CYB5RL: variants seen among roughly 807,000 people sequenced by gnomAD.
CYB5RL encodes NADH-cytochrome b5 reductase-like.
A neutral mutation model predicts 37.5 loss-of-function variants in CYB5RL; 38 were observed. The ratio of observed to expected loss-of-function variants is 1.01; its 90% CI spans 0.78 to 1.33. The LOEUF (loss-of-function observed/expected upper bound fraction) is 1.33, where lower values mean the gene tolerates loss of function less well. Ranked by LOEUF, CYB5RL falls within the 40% of genes most tolerant of loss-of-function variation. The probability of loss-of-function intolerance (pLI) is 0.00; values close to 1 mark genes in which losing one functional copy is unlikely to be tolerated. For synonymous variants in CYB5RL, 141 were observed against 151.9 expected (o/e 0.93, Z 0.53); for missense variants, 388 against 394.4 (o/e 0.98, Z 0.14).
intron 7 of CYB5RL, among the ~76,000 whole-genome samples, chr1:54,176,604 T>A (rs936955041): frequency 2.0e-5 from 3 of 152,332 alleles, no homozygotes; most frequent in Non-Finnish European, 2.9e-5. Flanking sequence ...TCCTCTCTGA[T>A]GATCTGGCAT....
At chr1:54,184,118 A>C in intron 6 of CYB5RL, 43 bp downstream of exon 6, 1 of 1,554,982 alleles carries the variant, frequency 6.4e-7, no homozygotes, top group South Asian at 1.2e-5. Context: ...TGAAAACCAC[A>C]GTCAACAGGG....
intron 6 of CYB5RL, among the ~76,000 whole-genome samples, chr1:54,182,437 T>G (rs1660190685): frequency 6.6e-6 from 1 of 152,184 alleles, no homozygotes; most frequent in Admixed American, 6.5e-5. Context: ...AAGATGGGTG[T>G]GTCTGGGTAG....
At chr1:54,181,815 T>G (rs926898309) in intron 6 of CYB5RL, among the ~76,000 whole-genome samples, 2 of 152,116 alleles carry the variant, frequency 1.3e-5, no homozygotes, top group African/African-American at 4.8e-5. Context: ...TAGCTGGGCG[T>G]GGTGATACAC....
chr1:54,180,275 TC>T, intron 6 of CYB5RL: 1 of 380,216 alleles, frequency 2.6e-6, no homozygotes, highest in Admixed American at 3.4e-5. Context: ...CCCCAGGAGG[TC>T]CCAGTTCCAT....
At position 54,195,461 on chromosome 1, in the gene CYB5RL, T is replaced by G. The variant is rs754729877; in HGVS notation, c.156A>C (p.Gln52His). Residue 52 changes from glutamine to histidine, a missense_variant, in exon 3 of 8, where the codon CAA (glutamine) becomes CAC (histidine). By Grantham distance (24) the Gln-to-His change is conservative (BLOSUM62 0). Coordinates refer to ENST00000534324, the MANE Select transcript of CYB5RL (RefSeq NM_001031672.4). ...GCAGCAGGCTCCTGTCCTTGCTGGC[T>G]TGGGCTGCCTCCCACCTTGCCAGAT... ...HRDLARWEAAQASKDRSLLRG... is the reference protein window; with the variant it reads ...HRDLARWEAAHASKDRSLLRG... The G allele has an allele frequency of 6.8e-6, 11 of 1,612,070 alleles. No homozygotes were observed. The highest frequency in any genetic ancestry group is 9.3e-6 in the Non-Finnish European group (11 of 1,178,870).
chr1:54,197,149 T>A (rs1261377291), intron 1 of CYB5RL, among the ~76,000 whole-genome samples: 1 of 152,050 alleles, frequency 6.6e-6, no homozygotes, highest in Non-Finnish European at 1.5e-5. Context: ...GTGAGTTGGA[T>A]TAAACAAGTC....
At chr1:54,195,398 T>A (rs1643997401) in intron 3 of CYB5RL, 21 bp downstream of exon 3, 2 of 1,553,114 alleles carry the variant, frequency 1.3e-6, no homozygotes, top group African/African-American at 1.4e-5. Flanking sequence ...GGTGCTCATA[T>A]CGAGAAGCAG....
In CYB5RL at chr1:54,179,191, C is replaced by T. The variant is rs1342335282; in HGVS notation, c.702G>A (p.Gln234=). The T allele has an allele frequency of 6.2e-7, 1 of 1,613,744 alleles. No individual in the cohort carries two copies. The highest frequency in any genetic ancestry group is 8.5e-7 in the Non-Finnish European group (1 of 1,179,812). Residue 234 remains glutamine, a synonymous_variant, in exon 7 of 8, where the codon CAG becomes CAA. Transcript: ENST00000534324. ...AGGTACGGACATTCCAGAAACGGGC[C>T]TGCTCTTGGAGGAAGGTTTTCAGGT... ...SIYLKTFLQE[Q]ARFWNVRTFF... is the part of the protein sequence containing the mutation.
At chr1:54,190,619 G>A in intron 4 of CYB5RL, 129 bp downstream of exon 4, 2 of 1,167,042 alleles carry the variant, frequency 1.7e-6, no homozygotes, top group Non-Finnish European at 2.5e-6. Flanking sequence ...TGAGTCATGT[G>A]TCACTATGTC....
chr1:54,175,257 A>G (rs1455447072), intron 7 of CYB5RL, among the ~76,000 whole-genome samples: 1 of 152,212 alleles, frequency 6.6e-6, no homozygotes, highest in African/African-American at 2.4e-5. Context: ...CAATGAACAT[A>G]TTCATTTAGC....
At chr1:54,185,973 G>A (rs1643892539) in intron 5 of CYB5RL, 1 of 164,166 alleles carries the variant, frequency 6.1e-6, no homozygotes, top group Non-Finnish European at 1.3e-5. Flanking sequence ...CCCCGCACAA[G>A]CTCTCTTCTT....
rs769010749 is a variant in CYB5RL at position 54,187,748 on chromosome 1, C to T, written c.348-9G>A. ...AGTCATCTACTATCCCTCTGAGAAA[C>T]AGAAGTGTGCAGTCAGTCAGCCAGT... is the stretch of plus-strand genomic sequence containing the variant. On this transcript the variant is annotated splice_polypyrimidine_tract_variant and intron_variant, in intron 4 of 7. Coordinates refer to ENST00000534324, the MANE Select transcript of CYB5RL (RefSeq NM_001031672.4). The T allele has an allele frequency of 1.2e-6, 2 of 1,611,500 alleles. No individual in the cohort carries two copies. Among genetic ancestry groups the T allele is most frequent in the Non-Finnish European group, 1.7e-6 (2 of 1,177,736 alleles).
At chr1:54,195,395 A>G (rs1410181273) in intron 3 of CYB5RL, 24 bp downstream of exon 3, 3 of 1,549,788 alleles carry the variant, frequency 1.9e-6, no homozygotes, top group African/African-American at 2.7e-5. Flanking sequence ...CCTGGTGCTC[A>G]TATCGAGAAG....
Position 54,174,396 on chromosome 1 carries a change from C to T in CYB5RL, c.*223G>A, listed in dbSNP as rs1375269970. The T allele has an allele frequency of 7.0e-6, 4 of 569,328 alleles. No homozygotes were observed. Among genetic ancestry groups the T allele is most frequent in the African/African-American group, 5.6e-5 (3 of 53,140 alleles). 35.3% of individuals were successfully genotyped at this position (569,328 alleles called of 1,614,324 possible). Reference sequence around the variant, plus strand: ...GTTGCTCACCTCCTCAGGGCCCCTACAGCCCATCCTCCTTCTACATAGTAG... The same window carrying T: ...GTTGCTCACCTCCTCAGGGCCCCTATAGCCCATCCTCCTTCTACATAGTAG... On this transcript the variant is annotated 3_prime_UTR_variant, in exon 8 of 8. Transcript: ENST00000534324.
chr1:54,170,612 C>T lies in CYB5RL; in HGVS notation c.*4007G>A, dbSNP rs548450871. ...ATTTTTAGTACAGACGGGGTTTCAC[C>T]GTGTTAGCCAGGATGGTCTCAATCT... On this transcript the variant is annotated 3_prime_UTR_variant, in exon 8 of 8. Transcript: ENST00000534324. 7.7e-4 allele frequency: 125 copies of T among 161,846 alleles called. 3 individuals are homozygous for T. The Middle Eastern group carries it at 0.017, about 22-fold the overall frequency. 10.0% of individuals were successfully genotyped at this position (161,846 alleles called of 1,614,324 possible).
At chr1:54,179,621 A>G (rs889053756) in intron 6 of CYB5RL, among the ~76,000 whole-genome samples, 5 of 152,216 alleles carry the variant, frequency 3.3e-5, no homozygotes, top group African/African-American at 1.2e-4. Context: ...CTGGTTGCCT[A>G]CTAAAGCATC....
rs1659969635 is a variant in CYB5RL at position 54,174,526 on chromosome 1, G to A, written c.*93C>T. 2 of 1,444,718 alleles carry A rather than the reference G, an allele frequency of 1.4e-6. No homozygotes were observed. Among genetic ancestry groups the A allele is most frequent in the East Asian group, 2.5e-5 (1 of 40,204 alleles). 89.5% of individuals were successfully genotyped at this position (1,444,718 alleles called of 1,614,324 possible). A position where few individuals can be genotyped will look rare whatever the true frequency, so the allele number is the denominator to read the frequency against. Reference sequence around the variant, plus strand: ...ACCTGGCAAATGAGCAGCAGGACCAGGCCTGGACTCCGTGTCTTCTGATTC... The same window carrying A: ...ACCTGGCAAATGAGCAGCAGGACCAAGCCTGGACTCCGTGTCTTCTGATTC... On this transcript the variant is annotated 3_prime_UTR_variant, in exon 8 of 8. Transcript: ENST00000534324.
At chr1:54,193,048 C>G (rs536946489) in intron 3 of CYB5RL, among the ~76,000 whole-genome samples, 4 of 152,234 alleles carry the variant, frequency 2.6e-5, no homozygotes, top group Non-Finnish European at 5.9e-5. Flanking sequence ...AGCCACCGTG[C>G]CTGGCCAAGT....
chr1:54,169,833 T>C lies in CYB5RL; in HGVS notation c.*4786A>G, dbSNP rs929827964. On this transcript the variant is annotated 3_prime_UTR_variant, in exon 8 of 8. Transcript: ENST00000534324. ...TATGGCTAAAAACCCCATCACCCCA[T>C]CCCATTCCCTTCCACCTATCACCAC... 6.6e-6 allele frequency: 1 copy of C among 152,180 alleles called. No individual in the cohort carries two copies. The highest frequency in any genetic ancestry group is 2.4e-5 in the African/African-American group (1 of 41,456). The allele number at this position is 152,180 out of a possible 1,614,324, so 9.4% of individuals were successfully genotyped here.
Sources: gnomAD v4.1 joint callset for allele counts (sites outside exome capture counted in the v4.1 genomes callset) on GRCh38, gnomAD v4.1.1 for gene constraint, MANE v1.5 for transcripts, NCBI Gene and HGNC (gene_info 2026-07-23, HGNC 2026-07-21) for gene names.